VPS13B: variants seen among roughly 807,000 people sequenced by gnomAD.
VPS13B encodes the protein intermembrane lipid transfer protein VPS13B.
Under a neutral mutation model 426.4 loss-of-function variants are expected in VPS13B, and 285 were observed. The ratio of observed to expected loss-of-function variants is 0.67; its 90% confidence interval spans 0.61 to 0.74. The LOEUF (loss-of-function observed/expected upper bound fraction) is 0.74, where lower values mean the gene tolerates loss of function less well. Among genes scored for constraint, VPS13B ranks in the 30% least tolerant of loss-of-function variants. The probability of loss-of-function intolerance (pLI) is 0.00; values close to 1 mark genes in which losing one functional copy is unlikely to be tolerated. For missense variants in VPS13B, 4,537 were observed against 4,782.6 expected (o/e 0.95, Z 1.51); for synonymous variants, 1,676 against 1,676.4 (o/e 1.00, Z 0.01).
At chr8:99,447,131 A>G (rs955998060) in intron 23 of VPS13B, among the ~76,000 whole-genome samples, 2 of 152,156 alleles carry the variant, frequency 1.3e-5, no homozygotes, top group Admixed American at 6.6e-5. Context: ...TATTTTCCTT[A>G]GAAATTTCTC....
intron 21 of VPS13B, among the ~76,000 whole-genome samples, chr8:99,395,708 T>A (rs1368782774): frequency 6.6e-6 from 1 of 152,020 alleles, no homozygotes; most frequent in Non-Finnish European, 1.5e-5. Flanking sequence ...AAACATTCAA[T>A]AAAAAATTAC....
chr8:99,654,541 G>A (rs1020705040), intron 34 of VPS13B, among the ~76,000 whole-genome samples: 1 of 152,128 alleles, frequency 6.6e-6, no homozygotes, highest in Non-Finnish European at 1.5e-5. Flanking sequence ...AAAAATGTAT[G>A]AAACTCAGTA....
intron 22 of VPS13B, 148 bp from the exon 23 acceptor site, chr8:99,442,253 T>A (rs1817712825): frequency 2.8e-6 from 2 of 702,306 alleles, no homozygotes; most frequent in Non-Finnish European, 4.8e-6. Flanking sequence ...TTTTCAAGTT[T>A]TTAAAATATT....
At chr8:99,507,904 T>G (rs1368378199) in intron 28 of VPS13B, 2 of 1,613,920 alleles carry the variant, frequency 1.2e-6, no homozygotes, top group South Asian at 1.1e-5. Flanking sequence ...TCTGGCTTCT[T>G]TCCTTCTGTA....
At chr8:99,466,577 T>A in intron 23 of VPS13B, among the ~76,000 whole-genome samples, 1 of 152,242 alleles carries the variant, frequency 6.6e-6, no homozygotes, top group Admixed American at 6.6e-5. Flanking sequence ...ATTAATAAAT[T>A]AATTTTACCT....
chr8:99,029,186 C>T (rs1158614652), intron 2 of VPS13B, among the ~76,000 whole-genome samples: 1 of 148,748 alleles, frequency 6.7e-6, no homozygotes, highest in Admixed American at 6.7e-5. Context: ...GATGGGCGGC[C>T]GGGCAGAAAC....
intron 17 of VPS13B, among the ~76,000 whole-genome samples, chr8:99,208,164 G>A (rs1397691516): frequency 6.6e-6 from 1 of 152,168 alleles, no homozygotes; most frequent in African/African-American, 2.4e-5. Flanking sequence ...AAAAGAGAGA[G>A]TTGGGAGGAG....
chr8:99,490,970 T>G (rs1820575968), intron 25 of VPS13B, among the ~76,000 whole-genome samples: 1 of 152,214 alleles, frequency 6.6e-6, no homozygotes, highest in African/African-American at 2.4e-5. Context: ...TGCTGTTGCT[T>G]CTCTAGTTCT....
intron 12 of VPS13B, among the ~76,000 whole-genome samples, chr8:99,141,008 C>G (rs986894736): frequency 3.3e-5 from 5 of 151,054 alleles, no homozygotes; most frequent in Admixed American, 6.6e-5. Context: ...TGTTATGGAC[C>G]CTAAAGTAGA....
chr8:99,528,447 A>T (rs542625152), intron 30 of VPS13B, among the ~76,000 whole-genome samples: 1 of 152,146 alleles, frequency 6.6e-6, no homozygotes, highest in African/African-American at 2.4e-5. Context: ...TGACTAGAAC[A>T]TATGGTACTG....
intron 19 of VPS13B, among the ~76,000 whole-genome samples, chr8:99,312,674 T>C (rs903693231): frequency 1.2e-4 from 18 of 152,198 alleles, no homozygotes; most frequent in Admixed American, 3.9e-4. Flanking sequence ...GAGGAGTATC[T>C]TTGTGGCGTT....
intron 33 of VPS13B, among the ~76,000 whole-genome samples, chr8:99,602,362 AATT>A (rs1477932769): frequency 6.6e-6 from 1 of 152,078 alleles, no homozygotes; most frequent in Non-Finnish European, 1.5e-5. Context: ...TCTATATATC[AATT>A]TTGGTACCAG....
At position 99,861,684 on chromosome 8, in the gene VPS13B, G is replaced by C. The variant is rs949297199; in HGVS notation, c.11045-92G>C. The C allele has an allele frequency of 2.0e-6, 3 of 1,506,154 alleles. No homozygotes were observed. The African/African-American group carries it at 4.2e-5, about 21-fold the overall frequency. 93.3% of individuals were successfully genotyped at this position (1,506,154 alleles called of 1,614,324 possible). ...TTGCCACTGGGCATGTCCAGGAGGG[G>C]CCACAGGTGCTCCCGCTGCCTCTGA... On this transcript the variant is annotated intron_variant, in intron 57 of 61. Transcript: ENST00000357162.
At chr8:99,727,045 T>G (rs1833380708) in intron 39 of VPS13B, among the ~76,000 whole-genome samples, 2 of 152,222 alleles carry the variant, frequency 1.3e-5, no homozygotes, top group African/African-American at 4.8e-5. Context: ...AATTTAATTT[T>G]ACTCCATGAG....
chr8:99,616,255 T>C (rs1000340876), intron 33 of VPS13B, among the ~76,000 whole-genome samples: 9 of 152,152 alleles, frequency 5.9e-5, no homozygotes, highest in Non-Finnish European at 1.2e-4. Flanking sequence ...GCAACAAATA[T>C]TTATTGTATG....
chr8:99,462,753 G>T (rs1018869925), intron 23 of VPS13B, among the ~76,000 whole-genome samples: 2 of 152,180 alleles, frequency 1.3e-5, no homozygotes, highest in African/African-American at 2.4e-5. Flanking sequence ...TTAGGTTTCT[G>T]TGACATCATG....
chr8:99,045,068 C>G (rs528279143), intron 3 of VPS13B, among the ~76,000 whole-genome samples: 1 of 152,264 alleles, frequency 6.6e-6, no homozygotes, highest in South Asian at 2.1e-4. Flanking sequence ...TGCGTAGATA[C>G]CCAGTAGTGG....
intron 17 of VPS13B, among the ~76,000 whole-genome samples, chr8:99,225,381 G>A (rs1815961403): frequency 1.3e-5 from 2 of 151,774 alleles, no homozygotes; most frequent in South Asian, 2.1e-4. Context: ...CCGGGTTCAC[G>A]CCATTCTGCC....
intron 30 of VPS13B, among the ~76,000 whole-genome samples, chr8:99,531,305 T>A (rs1447838294): frequency 1.3e-5 from 2 of 152,232 alleles, no homozygotes; most frequent in Non-Finnish European, 2.9e-5. Context: ...TTGATTGCCA[T>A]CAAGGTTTTT....
Sources: gnomAD v4.1 joint callset for allele counts (sites outside exome capture counted in the v4.1 genomes callset) on GRCh38, gnomAD v4.1.1 for gene constraint, MANE v1.5 for transcripts, NCBI Gene and HGNC (gene_info 2026-07-23, HGNC 2026-07-21) for gene names.